Variants in KCNT2 observed in about 807,000 individuals in gnomAD.
KCNT2 encodes potassium channel subfamily T member 2.
In KCNT2, 67 loss-of-function variants were observed where a neutral mutation model predicts 153.8. The observed-to-expected ratio is 0.44, with a 90% CI of 0.36 to 0.53. The LOEUF is 0.53. Among genes scored for constraint, KCNT2 ranks in the 20% least tolerant of loss-of-function variants. The probability of loss-of-function intolerance (pLI) is 0.00; values close to 1 mark genes in which losing one functional copy is unlikely to be tolerated. For missense variants in KCNT2, 975 were observed against 1,354.8 expected (o/e 0.72, Z 4.40); for synonymous variants, 500 against 458.8 (o/e 1.09, Z -1.15).
chr1:196,517,108 A>T lies in KCNT2; in HGVS notation c.96-24767T>A, dbSNP rs574643643. On this transcript the variant is annotated intron_variant, in intron 1 of 27. Transcript: ENST00000294725. Reference sequence around the variant, plus strand: ...GCTGTCTCCACACTCTGGGGAGTCCACGGCAACCAGAGGCTGGTCCAGACC... The same window carrying T: ...GCTGTCTCCACACTCTGGGGAGTCCTCGGCAACCAGAGGCTGGTCCAGACC... 3.9e-5 allele frequency among the ~76,000 whole-genome samples: 6 copies of T among 152,248 alleles called. No homozygotes were observed. In the South Asian group the frequency reaches 1.0e-3, roughly 26 times the overall value.
intron 26 of KCNT2, among the ~76,000 whole-genome samples, chr1:196,236,435 A>G (rs1654445595): frequency 1.3e-5 from 2 of 151,542 alleles, no homozygotes; most frequent in African/African-American, 2.4e-5. Flanking sequence ...ATGGTTATAG[A>G]TAACAATCCT....
intron 25 of KCNT2, among the ~76,000 whole-genome samples, chr1:196,258,862 T>G (rs1453004053): frequency 6.6e-6 from 1 of 152,168 alleles, no homozygotes; most frequent in Non-Finnish European, 1.5e-5. Context: ...ATAAAATCCA[T>G]GTAATGGACT....
intron 25 of KCNT2, among the ~76,000 whole-genome samples, chr1:196,265,140 T>A (rs1657415165): frequency 6.6e-6 from 1 of 152,172 alleles, no homozygotes; most frequent in African/African-American, 2.4e-5. Context: ...GGTTGGGTAT[T>A]ATCCCATCTA....
At chr1:196,359,064 G>A (rs895307752) in intron 14 of KCNT2, among the ~76,000 whole-genome samples, 1 of 151,864 alleles carries the variant, frequency 6.6e-6, no homozygotes, top group Admixed American at 6.6e-5. Flanking sequence ...AATTATTCTA[G>A]GAAAAGTTTT....
intron 13 of KCNT2, among the ~76,000 whole-genome samples, chr1:196,376,578 T>C (rs1668987044): frequency 6.6e-6 from 1 of 151,918 alleles, no homozygotes; most frequent in African/African-American, 2.4e-5. Context: ...AACTCTGATG[T>C]TCTTTCCTCT....
chr1:196,363,497 T>C (rs1274011225), intron 14 of KCNT2, among the ~76,000 whole-genome samples: 1 of 152,134 alleles, frequency 6.6e-6, no homozygotes, highest in Non-Finnish European at 1.5e-5. Context: ...AGTTCATGTG[T>C]TGGAAACTTA....
intron 1 of KCNT2, among the ~76,000 whole-genome samples, chr1:196,575,999 A>ATT (rs1661331354): frequency 1.4e-5 from 2 of 144,520 alleles, no homozygotes; most frequent in African/African-American, 2.5e-5. Flanking sequence ...AAAAAATTGA[A>ATT]GAAGAGATCA....
chr1:196,351,744 G>A (rs1419177393), intron 14 of KCNT2, among the ~76,000 whole-genome samples: 2 of 152,044 alleles, frequency 1.3e-5, no homozygotes, highest in Non-Finnish European at 2.9e-5. Context: ...ACACTATGTT[G>A]AATAGGAATG....
chr1:196,278,013 A>T (rs1658740101), intron 25 of KCNT2, among the ~76,000 whole-genome samples: 1 of 152,156 alleles, frequency 6.6e-6, no homozygotes, highest in South Asian at 2.1e-4. Flanking sequence ...GCAAAGATAG[A>T]TATTACTCAT....
chr1:196,426,603 T>C (rs997969680), intron 10 of KCNT2, among the ~76,000 whole-genome samples: 6 of 151,970 alleles, frequency 3.9e-5, no homozygotes, highest in African/African-American at 1.4e-4. Flanking sequence ...CAATGATTTA[T>C]AGAAATTAAA....
chr1:196,530,540 A>T (rs1238281950), intron 1 of KCNT2, among the ~76,000 whole-genome samples: 15 of 152,024 alleles, frequency 9.9e-5, no homozygotes, highest in Admixed American at 9.8e-4. Flanking sequence ...TTGTGATTTG[A>T]TCCTGTTTAG....
intron 17 of KCNT2, among the ~76,000 whole-genome samples, chr1:196,333,107 T>G (rs539391958): frequency 3.9e-4 from 59 of 150,068 alleles, no homozygotes; most frequent in South Asian, 2.5e-3. Context: ...TTTTTTTTTT[T>G]TTGTTTGTTT....
At chr1:196,454,760 T>G (rs112573394) in intron 8 of KCNT2, among the ~76,000 whole-genome samples, 9,033 of 151,996 alleles carry the variant, frequency 0.059, 395 homozygotes, top group Non-Finnish European at 0.085. Flanking sequence ...TTTAAAAAAT[T>G]TACCACAAAT....
chr1:196,376,164 A>T (rs928887674), intron 13 of KCNT2, among the ~76,000 whole-genome samples: 1 of 151,876 alleles, frequency 6.6e-6, no homozygotes, highest in African/African-American at 2.4e-5. Flanking sequence ...TGGATTATAC[A>T]ATCAAATTCC....
chr1:196,451,231 T>TTC (rs1274133797), intron 8 of KCNT2, among the ~76,000 whole-genome samples: 4 of 141,614 alleles, frequency 2.8e-5, no homozygotes, highest in Non-Finnish European at 6.2e-5. Flanking sequence ...TTTTTTTTTT[T>TTC]TTTTTTTTTT....
intron 8 of KCNT2, among the ~76,000 whole-genome samples, chr1:196,453,411 A>G (rs1676390235): frequency 6.6e-6 from 1 of 151,948 alleles, no homozygotes; most frequent in Non-Finnish European, 1.5e-5. Context: ...GATACTGACA[A>G]CTTCATCATT....
At position 196,319,032 on chromosome 1, in the gene KCNT2, T is replaced by C. The variant is rs1209342825; in HGVS notation, c.2348+452A>G. Among the ~76,000 whole-genome samples, 17 of 151,758 alleles carry C rather than the reference T, an allele frequency of 1.1e-4. No individual in the cohort carries two copies. In the Admixed American group the frequency reaches 1.1e-3, roughly 10 times the overall value. Reference sequence around the variant, plus strand: ...TCATTAACAAATATTTTAGAAATTATAAACTCTGACATGTGACCAAAGTAA... The same window carrying C: ...TCATTAACAAATATTTTAGAAATTACAAACTCTGACATGTGACCAAAGTAA... On this transcript the variant is annotated intron_variant, in intron 20 of 27. Coordinates refer to ENST00000294725, the MANE Select transcript of KCNT2 (RefSeq NM_198503.5).
Position 196,285,288 on chromosome 1 carries a change from T to C in KCNT2, c.2697+369A>G, listed in dbSNP as rs375099555. Among the ~76,000 whole-genome samples, 3 of 152,296 alleles carry C rather than the reference T, an allele frequency of 2.0e-5. No individual in the cohort carries two copies. The East Asian group carries it at 5.8e-4, about 29-fold the overall frequency. On this transcript the variant is annotated intron_variant, in intron 23 of 27. Coordinates refer to ENST00000294725, the MANE Select transcript of KCNT2 (RefSeq NM_198503.5). ...TTTTATTTCAAACCTGGAAAAAATGTATACTATAAGGAATGCTGTTTTTAT... is the reference window on the plus strand; with the variant it reads ...TTTTATTTCAAACCTGGAAAAAATGCATACTATAAGGAATGCTGTTTTTAT...
chr1:196,562,837 T>A (rs1659602986), intron 1 of KCNT2, among the ~76,000 whole-genome samples: 1 of 151,862 alleles, frequency 6.6e-6, no homozygotes, highest in South Asian at 2.1e-4. Flanking sequence ...GAATACCCAA[T>A]AAAATACTAT....
Sources: gnomAD v4.1 joint callset for allele counts (sites outside exome capture counted in the v4.1 genomes callset) on GRCh38, gnomAD v4.1.1 for gene constraint, MANE v1.5 for transcripts, NCBI Gene and HGNC (gene_info 2026-07-23, HGNC 2026-07-21) for gene names.